The following EXOC6B variants were observed in gnomAD, a reference collection of about 807,000 sequenced individuals.
The protein encoded by EXOC6B is SEC15 homolog B.
A neutral mutation model predicts 113.5 loss-of-function variants in EXOC6B; 54 were observed. The ratio of observed to expected loss-of-function variants is 0.48; its 90% confidence interval spans 0.38 to 0.60. The LOEUF is 0.60. EXOC6B is among the 20% of genes least tolerant of loss of function. The probability of loss-of-function intolerance (pLI) is 0.00; values close to 1 mark genes in which losing one functional copy is unlikely to be tolerated. For synonymous variants in EXOC6B, 357 were observed against 339.0 expected (o/e 1.05, Z -0.58); for missense variants, 797 against 977.5 (o/e 0.82, Z 2.46).
chr2:72,708,679 G>A (rs1024048101), intron 6 of EXOC6B, among the ~76,000 whole-genome samples: 1 of 152,026 alleles, frequency 6.6e-6, no homozygotes, highest in Non-Finnish European at 1.5e-5. Flanking sequence ...GTCTATACAT[G>A]TTTTAAAATT....
At chr2:72,257,697 C>T (rs1472378972) in intron 20 of EXOC6B, among the ~76,000 whole-genome samples, 2 of 152,266 alleles carry the variant, frequency 1.3e-5, no homozygotes, top group East Asian at 3.9e-4. Context: ...ATCAATGAAA[C>T]ACTGATGCCT....
chr2:72,748,455 C>T (rs562736044), intron 1 of EXOC6B, among the ~76,000 whole-genome samples: 1 of 151,948 alleles, frequency 6.6e-6, no homozygotes, highest in Non-Finnish European at 1.5e-5. Context: ...AGTTTAATTC[C>T]AACCTTAGTA....
chr2:72,601,082 T>C (rs1320462849), intron 6 of EXOC6B, among the ~76,000 whole-genome samples: 1 of 151,526 alleles, frequency 6.6e-6, no homozygotes, highest in Non-Finnish European at 1.5e-5. Flanking sequence ...GTAGACACCA[T>C]TATAGACTTG....
intron 1 of EXOC6B, among the ~76,000 whole-genome samples, chr2:72,816,085 G>C (rs1025197166): frequency 2.6e-5 from 4 of 152,218 alleles, no homozygotes; most frequent in Non-Finnish European, 5.9e-5. Context: ...CTTGAGCCCG[G>C]GAGGCGGAGG....
chr2:72,781,975 C>A (rs1165285966), intron 1 of EXOC6B, among the ~76,000 whole-genome samples: 1 of 151,698 alleles, frequency 6.6e-6, no homozygotes, highest in Admixed American at 6.6e-5. Flanking sequence ...CCCATCTCTA[C>A]TAAAAATACA....
chr2:72,677,274 G>C (rs895415243), intron 6 of EXOC6B, among the ~76,000 whole-genome samples: 1 of 152,074 alleles, frequency 6.6e-6, no homozygotes, highest in South Asian at 2.1e-4. Flanking sequence ...GCTCGCATCT[G>C]TAATCCAGCA....
At chr2:72,520,401 T>C (rs1226204156) in intron 8 of EXOC6B, among the ~76,000 whole-genome samples, 2 of 152,252 alleles carry the variant, frequency 1.3e-5, no homozygotes, top group African/African-American at 4.8e-5. Context: ...TCCTGTTTCA[T>C]AGAGGCAATT....
At chr2:72,592,893 C>A (rs182594907) in intron 6 of EXOC6B, among the ~76,000 whole-genome samples, 1 of 152,212 alleles carries the variant, frequency 6.6e-6, no homozygotes, top group Non-Finnish European at 1.5e-5. Context: ...TAACATGACT[C>A]TTCGCAGATA....
intron 2 of EXOC6B, among the ~76,000 whole-genome samples, chr2:72,735,910 C>T (rs924494713): frequency 8.6e-5 from 13 of 151,340 alleles, no homozygotes; most frequent in South Asian, 2.1e-4. Context: ...AAAGGCCAGG[C>T]GCAGTGGCTC....
At chr2:72,224,331 T>G (rs1681062224) in intron 20 of EXOC6B, among the ~76,000 whole-genome samples, 1 of 152,162 alleles carries the variant, frequency 6.6e-6, no homozygotes, top group South Asian at 2.1e-4. Context: ...CTCTTGTGAA[T>G]CACAAAATAT....
At chr2:72,822,827 T>C (rs1686656615) in intron 1 of EXOC6B, among the ~76,000 whole-genome samples, 1 of 152,088 alleles carries the variant, frequency 6.6e-6, no homozygotes, top group East Asian at 1.9e-4. Flanking sequence ...AGACATACTA[T>C]GAAGAAGAAA....
chr2:72,823,459 G>GAAAAAAAAAAAAAAAAAAA lies in EXOC6B; in HGVS notation c.113+2320_113+2338dup, dbSNP rs1237385156. ...CCAACTTCTCAAATCAAAGTTTTAA[G>GAAAAAAAAAAAAAAAAAAA]AAAAAAAAAAAAAAAAAAACAAAAA... On this transcript the variant is annotated intron_variant, in intron 1 of 21. Coordinates refer to ENST00000272427, the MANE Select transcript of EXOC6B (RefSeq NM_015189.3). Among the ~76,000 whole-genome samples the GAAAAAAAAAAAAAAAAAAA allele has an allele frequency of 3.9e-4, 27 of 70,002 alleles. 1 individual carries two copies. Among genetic ancestry groups the GAAAAAAAAAAAAAAAAAAA allele is most frequent in the African/African-American group, 6.5e-4 (8 of 12,280 alleles). The allele number at this position is 70,002 out of a possible 152,430, so 45.9% of individuals were successfully genotyped here.
intron 20 of EXOC6B, among the ~76,000 whole-genome samples, chr2:72,210,784 T>C (rs986166598): frequency 2.0e-5 from 3 of 152,328 alleles, no homozygotes; most frequent in African/African-American, 7.2e-5. Flanking sequence ...AGGTCTTCAG[T>C]GGTGAGGTGG....
chr2:72,473,650 A>C (rs928303143), intron 17 of EXOC6B, among the ~76,000 whole-genome samples: 3 of 152,064 alleles, frequency 2.0e-5, no homozygotes, highest in African/African-American at 7.2e-5. Flanking sequence ...ATTTTAAGTA[A>C]AGAATTAAAT....
chr2:72,207,986 T>G (rs903880513), intron 20 of EXOC6B, among the ~76,000 whole-genome samples: 5 of 152,178 alleles, frequency 3.3e-5, no homozygotes, highest in African/African-American at 1.2e-4. Flanking sequence ...ACCACCTAAC[T>G]TATTGGCTAT....
rs1197223974 is a variant in EXOC6B, at chr2:72,242,154, T to G, written c.2197-57967A>C. Among the ~76,000 whole-genome samples, 3 of 152,300 alleles carry G rather than the reference T, an allele frequency of 2.0e-5. No homozygotes were observed. The East Asian group carries it at 5.8e-4, about 29-fold the overall frequency. ...CTGCAGTGAGCTATCATCGTGCCAC[T>G]GCACTCCAGCCTGGGTGACAAAACA... is the stretch of plus-strand genomic sequence containing the variant. On this transcript the variant is annotated intron_variant, in intron 20 of 21. Transcript: ENST00000272427.
intron 18 of EXOC6B, among the ~76,000 whole-genome samples, chr2:72,439,063 T>C (rs998708728): frequency 2.0e-5 from 3 of 152,212 alleles, no homozygotes; most frequent in Non-Finnish European, 2.9e-5. Flanking sequence ...CTTGGGTATC[T>C]TACTTAATTC....
chr2:72,809,960 C>T (rs1284096878), intron 1 of EXOC6B, among the ~76,000 whole-genome samples: 1 of 152,078 alleles, frequency 6.6e-6, no homozygotes, highest in Non-Finnish European at 1.5e-5. Flanking sequence ...TTTCAAGCAG[C>T]CACAGAACAT....
chr2:72,529,235 A>C (rs1224182557), intron 8 of EXOC6B, among the ~76,000 whole-genome samples: 1 of 152,134 alleles, frequency 6.6e-6, no homozygotes, highest in Non-Finnish European at 1.5e-5. Flanking sequence ...TAAATCATGA[A>C]TGTGTTTCGG....
Sources: allele counts gnomAD v4.1 joint callset (sites outside exome capture counted in the v4.1 genomes callset), GRCh38; gene constraint gnomAD v4.1.1; transcripts MANE v1.5; gene names NCBI Gene and HGNC (gene_info 2026-07-23, HGNC 2026-07-21).